The following ITFG1 variants were observed in gnomAD, a reference collection of about 807,000 sequenced individuals.
ITFG1 encodes T-cell immunomodulatory protein.
Under a neutral mutation model 81.8 loss-of-function variants are expected in ITFG1, and 34 were observed. That is an observed-to-expected ratio of 0.42 (90% CI 0.32 to 0.55). ITFG1 has a LOEUF of 0.55. Ranked by LOEUF, ITFG1 falls within the 20% of genes least tolerant of loss-of-function variation. The pLI is 0.17. For synonymous variants in ITFG1, 285 were observed against 270.6 expected (o/e 1.05, Z -0.52); for missense variants, 672 against 755.4 (o/e 0.89, Z 1.29).
chr16:47,182,323 G>GA (rs754878700), intron 14 of ITFG1, among the ~76,000 whole-genome samples: 7 of 151,414 alleles, frequency 4.6e-5, no homozygotes, highest in Admixed American at 6.6e-5. Flanking sequence ...TAAAATATGA[G>GA]ATGTCTAGTA....
intron 14 of ITFG1, among the ~76,000 whole-genome samples, chr16:47,213,007 GA>G (rs1278619992): frequency 6.6e-6 from 1 of 152,080 alleles, no homozygotes; most frequent in Non-Finnish European, 1.5e-5. Context: ...ATTAATCTGA[GA>G]CTTACTCTTT....
chr16:47,208,103 A>G (rs1014421314), intron 14 of ITFG1, among the ~76,000 whole-genome samples: 1 of 152,180 alleles, frequency 6.6e-6, no homozygotes, highest in African/African-American at 2.4e-5. Context: ...TGACTCCAGA[A>G]ACTTTATTCC....
intron 10 of ITFG1, among the ~76,000 whole-genome samples, chr16:47,280,786 G>A (rs1346888446): frequency 6.6e-6 from 1 of 152,132 alleles, no homozygotes; most frequent in African/African-American, 2.4e-5. Flanking sequence ...GGAGCAGCTT[G>A]AGTCCAACGA....
intron 6 of ITFG1, among the ~76,000 whole-genome samples, chr16:47,414,475 G>C (rs1242868524): frequency 6.6e-6 from 1 of 151,948 alleles, no homozygotes; most frequent in Non-Finnish European, 1.5e-5. Flanking sequence ...TCGGTGAGCT[G>C]AGCTCCCGAC....
At chr16:47,298,714 C>T (rs1967023753) in intron 10 of ITFG1, among the ~76,000 whole-genome samples, 1 of 152,138 alleles carries the variant, frequency 6.6e-6, no homozygotes, top group Non-Finnish European at 1.5e-5. Context: ...CACATGAAGC[C>T]TGTCTCCTTC....
At chr16:47,322,320 T>A (rs1045105887) in intron 8 of ITFG1, among the ~76,000 whole-genome samples, 4 of 152,122 alleles carry the variant, frequency 2.6e-5, no homozygotes, top group African/African-American at 9.7e-5. Flanking sequence ...TTAATATAAG[T>A]TTTTGTAAAA....
chr16:47,221,873 G>C (rs1257004457), intron 13 of ITFG1, among the ~76,000 whole-genome samples: 1 of 152,198 alleles, frequency 6.6e-6, no homozygotes, highest in African/African-American at 2.4e-5. Context: ...TATTTGCGTA[G>C]AGGTGTTTGT....
chr16:47,156,570 A>G (rs1964712084), intron 17 of ITFG1, among the ~76,000 whole-genome samples: 1 of 152,244 alleles, frequency 6.6e-6, no homozygotes, highest in Admixed American at 6.5e-5. Flanking sequence ...CTCCAAAAAG[A>G]CAAATGCAAA....
At chr16:47,366,492 A>G (rs1190070109) in intron 7 of ITFG1, among the ~76,000 whole-genome samples, 1 of 152,214 alleles carries the variant, frequency 6.6e-6, no homozygotes, top group Non-Finnish European at 1.5e-5. Flanking sequence ...ATAGAAAAGG[A>G]GAGCTTATCA....
chr16:47,451,154 T>C (rs1969383438), intron 5 of ITFG1, among the ~76,000 whole-genome samples: 1 of 152,230 alleles, frequency 6.6e-6, no homozygotes, highest in African/African-American at 2.4e-5. Flanking sequence ...TGAACCAATA[T>C]TTAAATGGGG....
chr16:47,419,722 C>T (rs1367873076), intron 6 of ITFG1, among the ~76,000 whole-genome samples: 1 of 151,222 alleles, frequency 6.6e-6, no homozygotes, highest in East Asian at 1.9e-4. Flanking sequence ...CCTGCCTCAG[C>T]CTCCCAAGTA....
intron 13 of ITFG1, among the ~76,000 whole-genome samples, chr16:47,223,600 C>A (rs892002167): frequency 1.2e-4 from 18 of 152,076 alleles, no homozygotes; most frequent in Non-Finnish European, 2.1e-4. Flanking sequence ...AATAGGAACA[C>A]TTTTACACTG....
At chr16:47,450,398 T>A in intron 5 of ITFG1, 1 of 391,406 alleles carries the variant, frequency 2.6e-6, no homozygotes, top group Non-Finnish European at 4.9e-6. Context: ...TAACCAGGTC[T>A]GACCTTGGTT....
chr16:47,313,320 T>C (rs1161443095), intron 9 of ITFG1, among the ~76,000 whole-genome samples: 1 of 152,208 alleles, frequency 6.6e-6, no homozygotes, highest in Non-Finnish European at 1.5e-5. Flanking sequence ...AGATTCTAAA[T>C]TGCTTACCTA....
chr16:47,395,511 G>A (rs1291136932), intron 6 of ITFG1, among the ~76,000 whole-genome samples: 1 of 152,134 alleles, frequency 6.6e-6, no homozygotes, highest in African/African-American at 2.4e-5. Context: ...CTGTATTACA[G>A]TCTAAACCCA....
At chr16:47,188,508 C>T (rs2151516590) in intron 14 of ITFG1, among the ~76,000 whole-genome samples, 1 of 149,066 alleles carries the variant, frequency 6.7e-6, no homozygotes, top group East Asian at 2.0e-4. Flanking sequence ...TAAACTATTG[C>T]AAGAACAAAA....
At position 47,325,753 on chromosome 16, in the gene ITFG1, A is replaced by G. The variant is rs545491693; in HGVS notation, c.803-11930T>C. Among the ~76,000 whole-genome samples the G allele has an allele frequency of 8.7e-4, 132 of 152,200 alleles. 1 individual carries two copies. The highest frequency in any genetic ancestry group is 3.0e-3 in the African/African-American group (123 of 41,518). On this transcript the variant is annotated intron_variant, in intron 8 of 17. Transcript: ENST00000320640. ...AATGGATAAATTCCTCGACACATAC[A>G]CCCTCCCAAGACTAAACCAGGAAGA...
chr16:47,296,467 G>C (rs1966983525), intron 10 of ITFG1, among the ~76,000 whole-genome samples: 1 of 151,844 alleles, frequency 6.6e-6, no homozygotes, highest in Admixed American at 6.6e-5. Context: ...ATGGAGTCTG[G>C]CTCTGTCGCC....
chr16:47,300,177 C>T (rs1555508662), intron 10 of ITFG1, among the ~76,000 whole-genome samples: 1 of 152,342 alleles, frequency 6.6e-6, no homozygotes, highest in South Asian at 2.1e-4. Flanking sequence ...TGGGGAATCA[C>T]TCCCAGTTCC....
Sources: allele counts gnomAD v4.1 joint callset (sites outside exome capture counted in the v4.1 genomes callset), GRCh38; gene constraint gnomAD v4.1.1; transcripts MANE v1.5; gene names NCBI Gene and HGNC (gene_info 2026-07-23, HGNC 2026-07-21).